The following SF3A3 variants were observed in gnomAD, a reference collection of about 807,000 sequenced individuals.
SF3A3 encodes SAP 61.
SF3A3 carries 9 observed loss-of-function variants against 85.8 expected under a neutral mutation model. The observed-to-expected ratio is 0.10, with a 90% CI of 0.06 to 0.18. SF3A3 has a LOEUF of 0.18. SF3A3 is among the 10% of genes least tolerant of loss of function. The pLI is 1.00. For missense variants in SF3A3, 306 were observed against 593.3 expected (o/e 0.52, Z 5.03); for synonymous variants, 195 against 204.4 (o/e 0.95, Z 0.39).
At chr1:37,980,794 A>C in intron 7 of SF3A3, 70 bp from the exon 8 acceptor site, 1 of 1,244,734 alleles carries the variant, frequency 8.0e-7, no homozygotes, top group Non-Finnish European at 1.1e-6. Context: ...TATTCCCTGC[A>C]GAATATAAAG....
At chr1:37,965,045 C>T (rs1181602254) in intron 15 of SF3A3, among the ~76,000 whole-genome samples, 1 of 151,978 alleles carries the variant, frequency 6.6e-6, no homozygotes, top group Non-Finnish European at 1.5e-5. Flanking sequence ...GTGGTCCCAG[C>T]TACTTGGGAG....
chr1:37,988,575 T>A (rs1646471072), intron 2 of SF3A3, among the ~76,000 whole-genome samples: 2 of 152,164 alleles, frequency 1.3e-5, no homozygotes, highest in South Asian at 4.1e-4. Context: ...AAAAAGAAAA[T>A]CCTTGGTTTT....
chr1:37,965,151 T>A, intron 15 of SF3A3, among the ~76,000 whole-genome samples: 1 of 149,930 alleles, frequency 6.7e-6, no homozygotes, highest in African/African-American at 2.5e-5. Context: ...AGCAAGACTC[T>A]GTCTCAAAAA....
chr1:37,966,824 A>G (rs1646303331), intron 15 of SF3A3, among the ~76,000 whole-genome samples: 1 of 142,676 alleles, frequency 7.0e-6, no homozygotes, highest in Non-Finnish European at 1.5e-5. Flanking sequence ...AATCCCAGCT[A>G]CTCGGGAGGC....
intron 15 of SF3A3, among the ~76,000 whole-genome samples, chr1:37,967,713 AGC>A: frequency 7.7e-6 from 1 of 129,746 alleles, no homozygotes; most frequent in Middle Eastern, 4.2e-3. Context: ...AAAAAAAATT[AGC>A]CAGGTGTGGT....
Position 37,980,913 on chromosome 1 carries a change from G to C in SF3A3, c.552-189C>G, listed in dbSNP as rs575913581. On this transcript the variant is annotated intron_variant, in intron 7 of 16. Transcript: ENST00000373019. ...TACCCAGGCTGGAGTGCAATGGCGG[G>C]ATCTTGGCTCACCACAACCTCCGCC... 2,072 of 346,622 alleles carry C rather than the reference G, an allele frequency of 6.0e-3. 15 individuals carry two copies. The highest frequency in any genetic ancestry group is 6.7e-3 in the Non-Finnish European group (1,369 of 202,882). The allele number at this position is 346,622 out of a possible 1,614,324, so 21.5% of individuals were successfully genotyped here. A position where few individuals can be genotyped will look rare whatever the true frequency, so the allele number is the denominator to read the frequency against.
chr1:37,979,749 C>T (rs1646403751), intron 8 of SF3A3, among the ~76,000 whole-genome samples: 2 of 152,134 alleles, frequency 1.3e-5, no homozygotes, highest in South Asian at 2.1e-4. Flanking sequence ...CCCAGCTACT[C>T]AGGAGTCTAA....
In SF3A3 at chr1:37,978,845, C is replaced by A; in HGVS notation, c.828-18G>T. The A allele has an allele frequency of 6.4e-7, 1 of 1,571,298 alleles. No individual in the cohort carries two copies. The highest frequency in any genetic ancestry group is 1.1e-5 in the South Asian group (1 of 87,352). On this transcript the variant is annotated intron_variant, in intron 10 of 16. Transcript: ENST00000373019. Reference sequence around the variant, plus strand: ...CTAGGGTCCTAAGGAGACAGGACGGCAAAGGATTTTAGGGTTACTTTACCA... The same window carrying A: ...CTAGGGTCCTAAGGAGACAGGACGGAAAAGGATTTTAGGGTTACTTTACCA...
intron 11 of SF3A3, among the ~76,000 whole-genome samples, 154 bp downstream of exon 11, chr1:37,978,566 A>G (rs1389710043): frequency 6.6e-6 from 1 of 152,090 alleles, no homozygotes; most frequent in Non-Finnish European, 1.5e-5. Flanking sequence ...CAGTGATAGT[A>G]CTCTCTGCTA....
At chr1:37,968,275 T>C in intron 14 of SF3A3, 141 bp from the exon 15 acceptor site, 1 of 652,876 alleles carries the variant, frequency 1.5e-6, no homozygotes, top group Admixed American at 2.4e-5. Context: ...TGATTCATGT[T>C]TGTAAACAGC....
intron 15 of SF3A3, among the ~76,000 whole-genome samples, chr1:37,961,808 G>A (rs1473017071): frequency 7.1e-5 from 10 of 141,634 alleles, no homozygotes; most frequent in South Asian, 2.4e-4. Context: ...AAGGCCGGGC[G>A]CGGTGTCTCA....
chr1:37,966,111 G>A (rs1646298059), intron 15 of SF3A3, among the ~76,000 whole-genome samples: 1 of 152,014 alleles, frequency 6.6e-6, no homozygotes, highest in Non-Finnish European at 1.5e-5. Context: ...GCTGAGGCAG[G>A]AGAATCGCTT....
rs1211435168 is a variant in SF3A3 at position 37,981,758 on chromosome 1, A to G, written c.522T>C (p.Pro174=). The G allele has an allele frequency of 6.3e-7, 1 of 1,593,502 alleles. No individual in the cohort carries two copies. The highest frequency in any genetic ancestry group is 8.6e-7 in the Non-Finnish European group (1 of 1,162,472). ...TATACTCTGCATTCTTCCTTTCTTTAGGAATGTCAAATAATTGGTCAAAGA... is the reference window on the plus strand; with the variant it reads ...TATACTCTGCATTCTTCCTTTCTTTGGGAATGTCAAATAATTGGTCAAAGA... The part of the protein sequence containing the change: ...LSIFDQLFDI[P]KERKNAEYKR... Residue 174 remains proline, a synonymous_variant, in exon 7 of 17, where the codon CCT becomes CCC. Transcript: ENST00000373019.
chr1:37,980,075 G>A (rs1432353236), intron 8 of SF3A3, among the ~76,000 whole-genome samples: 1 of 151,922 alleles, frequency 6.6e-6, no homozygotes, highest in Admixed American at 6.6e-5. Flanking sequence ...GTGAAAATCT[G>A]GGCACAGTCA....
At chr1:37,963,908 A>G (rs28620959) in intron 15 of SF3A3, among the ~76,000 whole-genome samples, 132,318 of 146,056 alleles carry the variant, frequency 0.91, 60,087 homozygotes, top group East Asian at 1. Flanking sequence ...AGAGCCAAGC[A>G]TGGTGGCTCA....
chr1:37,987,163 C>T lies in SF3A3; in HGVS notation c.303+410G>A, dbSNP rs148239878. On this transcript the variant is annotated intron_variant, in intron 4 of 16. Transcript: ENST00000373019. Reference sequence around the variant, plus strand: ...GCGCAATCTCGGCTCACTGCAACCTCCACCTCCCAGGTTCAAGTGATTCTC... The same window carrying T: ...GCGCAATCTCGGCTCACTGCAACCTTCACCTCCCAGGTTCAAGTGATTCTC... Among the ~76,000 whole-genome samples the T allele has an allele frequency of 3.3e-3, 497 of 152,276 alleles. 2 individuals are homozygous for T. The highest frequency in any genetic ancestry group is 0.011 in the African/African-American group (475 of 41,562).
chr1:37,982,082 G>A (rs1646423153), intron 6 of SF3A3, among the ~76,000 whole-genome samples: 1 of 138,600 alleles, frequency 7.2e-6, no homozygotes, highest in Non-Finnish European at 1.7e-5. Flanking sequence ...AACGTTTGTC[G>A]ATTATTACCT....
intron 11 of SF3A3, among the ~76,000 whole-genome samples, chr1:37,977,903 G>A (rs1332843686): frequency 6.6e-6 from 1 of 152,016 alleles, no homozygotes; most frequent in African/African-American, 2.4e-5. Context: ...TGTAATCCCA[G>A]CTACTCGGGA....
At chr1:37,975,973 G>A (rs1427191869) in intron 12 of SF3A3, among the ~76,000 whole-genome samples, 5 of 152,144 alleles carry the variant, frequency 3.3e-5, no homozygotes, top group Non-Finnish European at 7.4e-5. Context: ...TGACCAATAT[G>A]GTGAAACCCT....
Sources: allele counts gnomAD v4.1 joint callset (sites outside exome capture counted in the v4.1 genomes callset), GRCh38; gene constraint gnomAD v4.1.1; transcripts MANE v1.5; gene names NCBI Gene and HGNC (gene_info 2026-07-23, HGNC 2026-07-21).